Variants in THOC2 observed in about 807,000 individuals in gnomAD.
THOC2 encodes the protein THO complex 2.
In THOC2, 10 loss-of-function variants were observed where a neutral mutation model predicts 128.4. The ratio of observed to expected loss-of-function variants is 0.08; its 90% CI spans 0.05 to 0.13. The LOEUF is 0.13. Among genes scored for constraint, THOC2 ranks in the 10% least tolerant of loss-of-function variants. THOC2 has a pLI of 1.00. For missense variants in THOC2, 535 were observed against 1,155.7 expected (o/e 0.46, Z 7.79); for synonymous variants, 393 against 396.9 (o/e 0.99, Z 0.12).
chrX:123,718,052 A>G (rs1269260475), intron 1 of THOC2, among the ~76,000 whole-genome samples: 1 of 112,547 alleles, frequency 8.9e-6, no homozygotes, highest in East Asian at 2.8e-4. Context: ...TTACAAAACT[A>G]GGGTAATTAA....
At chrX:123,649,297 CCCCA>C (rs2048261218) in intron 12 of THOC2, among the ~76,000 whole-genome samples, 1 of 111,394 alleles carries the variant, frequency 9.0e-6, no homozygotes, top group Non-Finnish European at 1.9e-5. Context: ...CACACAAAAA[CCCCA>C]TCTGAACGAC....
intron 1 of THOC2, among the ~76,000 whole-genome samples, chrX:123,717,623 A>G (rs1252593264): frequency 1.9e-5 from 2 of 107,503 alleles, no homozygotes; most frequent in African/African-American, 6.8e-5. Context: ...TAAAGACTCA[A>G]TGCAATCTCT....
chrX:123,625,077 C>A (rs1234424532), intron 25 of THOC2, among the ~76,000 whole-genome samples: 2 of 110,555 alleles, frequency 1.8e-5, no homozygotes, highest in African/African-American at 6.6e-5. Context: ...CTGGAACATA[C>A]ATTATGTTTT....
intron 2 of THOC2, among the ~76,000 whole-genome samples, chrX:123,707,530 C>T (rs1046466031): frequency 1.8e-5 from 2 of 111,698 alleles, no homozygotes; most frequent in African/African-American, 6.5e-5. Context: ...TATAAAATGG[C>T]AGTTCTATGA....
Position 123,610,906 on chromosome X carries a change from G to C in THOC2, c.*18+12C>G, listed in dbSNP as rs942090767. ...CTATCATTAAGTGAAAAGGTGGTGA[G>C]AGAACACTCACCTTGATGGAAAGTC... On this transcript the variant is annotated intron_variant, in intron 38 of 38. Coordinates refer to ENST00000245838, the MANE Select transcript of THOC2 (RefSeq NM_001081550.2). 8.4e-7 allele frequency: 1 copy of C among 1,191,952 alleles called. No individual in the cohort carries two copies. Among genetic ancestry groups the C allele is most frequent in the African/African-American group, 1.8e-5 (1 of 56,730 alleles).
chrX:123,731,821 T>G (rs1364358918), intron 1 of THOC2, among the ~76,000 whole-genome samples: 1 of 111,493 alleles, frequency 9.0e-6, no homozygotes, highest in Non-Finnish European at 1.9e-5. Flanking sequence ...TCCTCGTGTT[T>G]CGTTCCAAGT....
intron 4 of THOC2, among the ~76,000 whole-genome samples, chrX:123,698,973 CTG>C (rs2050570883): frequency 9.1e-6 from 1 of 110,266 alleles, no homozygotes; most frequent in Admixed American, 9.7e-5. Context: ...TATTTAAAAA[CTG>C]AGAGTTTCAG....
intron 31 of THOC2, 71 bp from the exon 32 acceptor site, chrX:123,621,036 C>G: frequency 1.7e-6 from 2 of 1,179,867 alleles, no homozygotes; most frequent in Non-Finnish European, 2.3e-6. Context: ...AAAAAAACAC[C>G]AACTTGTATG....
chrX:123,641,658 T>G (rs764709019), intron 15 of THOC2, among the ~76,000 whole-genome samples: 21 of 111,506 alleles, frequency 1.9e-4, no homozygotes, highest in Non-Finnish European at 3.8e-4. Context: ...AACCCCTCCT[T>G]TCTCTGTTTT....
At chrX:123,690,123 T>C (rs990619016) in intron 7 of THOC2, among the ~76,000 whole-genome samples, 1 of 110,838 alleles carries the variant, frequency 9.0e-6, no homozygotes, top group South Asian at 3.8e-4. Flanking sequence ...ATAAAGAAAC[T>C]GCAGATCTAC....
chrX:123,720,835 C>T (rs1023089053), intron 1 of THOC2, among the ~76,000 whole-genome samples: 4 of 111,958 alleles, frequency 3.6e-5, no homozygotes, highest in Non-Finnish European at 7.5e-5. Context: ...CTGTATGATT[C>T]TACTTATATA....
chrX:123,705,352 T>A (rs2050883669), intron 3 of THOC2, among the ~76,000 whole-genome samples: 1 of 111,565 alleles, frequency 9.0e-6, no homozygotes, highest in African/African-American at 3.3e-5. Context: ...AATGCTCAAT[T>A]TACAAAATGA....
chrX:123,724,433 C>T (rs2051850087), intron 1 of THOC2, among the ~76,000 whole-genome samples: 1 of 112,055 alleles, frequency 8.9e-6, no homozygotes, highest in Non-Finnish European at 1.9e-5. Context: ...ACCTGTAGTC[C>T]CAGAACTCTG....
intron 33 of THOC2, among the ~76,000 whole-genome samples, chrX:123,618,974 A>G (rs767271048): frequency 8.9e-6 from 1 of 112,229 alleles, no homozygotes; most frequent in East Asian, 2.8e-4. Flanking sequence ...TTTAAAACAG[A>G]TATGTGAATG....
chrX:123,691,856 T>C (rs1208661005), intron 7 of THOC2, among the ~76,000 whole-genome samples: 1 of 112,666 alleles, frequency 8.9e-6, no homozygotes, highest in East Asian at 2.8e-4. Flanking sequence ...AAACTATGGC[T>C]TGTGGGTTAA....
At chrX:123,640,333 A>G (rs755445546) in intron 16 of THOC2, among the ~76,000 whole-genome samples, 222 of 112,103 alleles carry the variant, frequency 2.0e-3, no homozygotes, top group African/African-American at 7.0e-3. Context: ...TATATACAAA[A>G]TAACTATTAT....
chrX:123,703,413 C>A (rs779408897), intron 4 of THOC2, 41 bp downstream of exon 4: 37 of 854,395 alleles, frequency 4.3e-5, no homozygotes, highest in Non-Finnish European at 1.7e-6. Flanking sequence ...TTTGATTTAC[C>A]ACACAGCACA....
chrX:123,632,747 G>GC (rs2047534307), intron 21 of THOC2, 114 bp downstream of exon 21: 8 of 564,294 alleles, frequency 1.4e-5, no homozygotes, highest in Middle Eastern at 6.9e-4. Flanking sequence ...TTCACATTAG[G>GC]ATGTCTCATA....
intron 38 of THOC2, among the ~76,000 whole-genome samples, chrX:123,608,092 T>A (rs994994460): frequency 1.8e-5 from 2 of 109,939 alleles, no homozygotes; most frequent in Non-Finnish European, 3.8e-5. Flanking sequence ...CCATTTAAAA[T>A]TTTTTTTTGT....
Sources: allele counts gnomAD v4.1 joint callset (sites outside exome capture counted in the v4.1 genomes callset), GRCh38; gene constraint gnomAD v4.1.1; transcripts MANE v1.5; gene names NCBI Gene and HGNC (gene_info 2026-07-23, HGNC 2026-07-21).